The following MYT1L variants were observed in gnomAD, a reference collection of about 807,000 sequenced individuals.
MYT1L encodes the protein myelin transcription factor 1-like protein.
In MYT1L, 12 loss-of-function variants were observed where a neutral mutation model predicts 126.7. That is an observed-to-expected ratio of 0.09 (90% CI 0.06 to 0.15). The LOEUF (loss-of-function observed/expected upper bound fraction) is 0.15, where lower values mean the gene tolerates loss of function less well. MYT1L is among the 10% of genes least tolerant of loss of function. The pLI is 1.00. For synonymous variants in MYT1L, 541 were observed against 604.2 expected, an observed-to-expected ratio of 0.90 and a Z score of 1.53; for missense variants, 979 against 1,585.2, an observed-to-expected ratio of 0.62 and a Z score of 6.49.
At chr2:2,117,666 C>A (rs138459645) in intron 3 of MYT1L, among the ~76,000 whole-genome samples, 3 of 152,128 alleles carry the variant, frequency 2.0e-5, no homozygotes, top group Non-Finnish European at 4.4e-5. Context: ...CAGCATAATA[C>A]GTTCATTAAT....
In MYT1L at chr2:2,224,561, T is replaced by C. The variant is rs769591399; in HGVS notation, c.-420-51573A>G. 1.3e-5 allele frequency among the ~76,000 whole-genome samples: 2 copies of C among 152,188 alleles called. No homozygotes were observed. The highest frequency in any genetic ancestry group is 2.9e-5 in the Non-Finnish European group (2 of 68,034). On this transcript the variant is annotated intron_variant, in intron 2 of 24. Coordinates refer to ENST00000647738, the MANE Select transcript of MYT1L (RefSeq NM_001303052.2). The surrounding 1 kb of genome is among the most constrained non-coding windows in gnomAD (Gnocchi z 4.0). ...CAGGCTGGGCACGGTGGCTGAAGCCTGTAATCTCAACACTTTGGGAGGTCA... is the reference window on the plus strand; with the variant it reads ...CAGGCTGGGCACGGTGGCTGAAGCCCGTAATCTCAACACTTTGGGAGGTCA...
At chr2:2,075,396 A>AT (rs2075102370) in intron 3 of MYT1L, among the ~76,000 whole-genome samples, 2 of 152,152 alleles carry the variant, frequency 1.3e-5, no homozygotes, top group Admixed American at 1.3e-4. Flanking sequence ...CTTCCAGCAA[A>AT]TTCACAGTCA....
Position 1,956,391 on chromosome 2 carries a change from T to TA in MYT1L, c.153-13058_153-13057insT, listed in dbSNP as rs1573963909. 1.9e-5 allele frequency among the ~76,000 whole-genome samples: 2 copies of TA among 107,600 alleles called. 1 individual carries two copies. Among genetic ancestry groups the TA allele is most frequent in the Non-Finnish European group, 3.6e-5 (2 of 55,258 alleles). 70.6% of individuals were successfully genotyped at this position (107,600 alleles called of 152,430 possible). ...CTATCCTATTCTATATTTCCTATTC[T>TA]TTCTATCTGTCTGTCTATCTATCTA... On this transcript the variant is annotated intron_variant, in intron 8 of 24. Coordinates refer to ENST00000647738, the MANE Select transcript of MYT1L (RefSeq NM_001303052.2).
At chr2:1,968,571 T>C (rs1025843973) in intron 8 of MYT1L, among the ~76,000 whole-genome samples, 2 of 152,112 alleles carry the variant, frequency 1.3e-5, no homozygotes, top group African/African-American at 4.8e-5. Flanking sequence ...TGTTGTATTA[T>C]GTAGGGGGAG....
Position 2,293,656 on chromosome 2 carries a change from C to T in MYT1L, c.-520-9153G>A, listed in dbSNP as rs551705902. On this transcript the variant is annotated intron_variant, in intron 1 of 24. Transcript: ENST00000647738. ...ATGGTGTGTCTGTGTCCCTTAGGTG[C>T]GCAGGGCCAAAGCTTCCGCCTGAGG... is the stretch of plus-strand genomic sequence containing the variant. Among the ~76,000 whole-genome samples the T allele has an allele frequency of 5.3e-5, 8 of 152,298 alleles. No individual in the cohort carries two copies. In the South Asian group the frequency reaches 6.2e-4, roughly 12 times the overall value.
intron 2 of MYT1L, among the ~76,000 whole-genome samples, chr2:2,265,858 G>T (rs1380080248): frequency 1.3e-5 from 2 of 152,164 alleles, no homozygotes; most frequent in East Asian, 3.9e-4. Context: ...GATGGGATCT[G>T]GGGCCCTAAG....
chr2:2,297,229 G>A (rs1050665434), intron 1 of MYT1L, among the ~76,000 whole-genome samples: 5 of 152,224 alleles, frequency 3.3e-5, no homozygotes, highest in African/African-American at 9.6e-5. Flanking sequence ...CAGTGAAGTC[G>A]TGACCCTCGG....
chr2:2,156,644 C>T (rs920337239), intron 3 of MYT1L, among the ~76,000 whole-genome samples: 5 of 152,154 alleles, frequency 3.3e-5, no homozygotes, highest in Non-Finnish European at 5.9e-5. Flanking sequence ...TGGCTTTCTG[C>T]TTTTTTATAT....
chr2:2,321,016 C>T (rs1001946969), intron 1 of MYT1L, among the ~76,000 whole-genome samples: 1 of 152,164 alleles, frequency 6.6e-6, no homozygotes, highest in East Asian at 1.9e-4. Context: ...TTAAAAAATG[C>T]CATGCTGGCA....
At chr2:1,967,951 G>T (rs1024222837) in intron 8 of MYT1L, among the ~76,000 whole-genome samples, 3 of 152,132 alleles carry the variant, frequency 2.0e-5, no homozygotes, top group African/African-American at 7.2e-5. Flanking sequence ...GAGCTTCCTC[G>T]GGCCCCTGCA....
intron 4 of MYT1L, among the ~76,000 whole-genome samples, chr2:2,046,123 A>G (rs1244678929): frequency 1.3e-5 from 2 of 152,218 alleles, no homozygotes; most frequent in African/African-American, 4.8e-5. Flanking sequence ...AAGCTTCAAG[A>G]GATATACTAT....
intron 8 of MYT1L, among the ~76,000 whole-genome samples, chr2:1,972,544 T>G (rs776182472): frequency 2.6e-5 from 4 of 152,194 alleles, no homozygotes; most frequent in Non-Finnish European, 4.4e-5. Context: ...GCTCCACATC[T>G]CTCAGCCAGC....
intron 1 of MYT1L, among the ~76,000 whole-genome samples, chr2:2,313,848 A>C (rs531438925): frequency 6.6e-6 from 1 of 152,308 alleles, no homozygotes; most frequent in East Asian, 1.9e-4. Flanking sequence ...TAGCTTACTT[A>C]TCTCGATACA....
At chr2:1,902,484 T>C (rs1189461131) in intron 14 of MYT1L, among the ~76,000 whole-genome samples, 2 of 152,214 alleles carry the variant, frequency 1.3e-5, no homozygotes, top group Non-Finnish European at 2.9e-5. Flanking sequence ...CCACCAGCTC[T>C]GGCTACCCGG....
chr2:1,961,229 C>T (rs34692924), intron 8 of MYT1L, among the ~76,000 whole-genome samples: 6,597 of 152,222 alleles, frequency 0.043, 158 homozygotes, highest in African/African-American at 0.064. Flanking sequence ...ACGCAGGTGA[C>T]GGTTACACTA....
chr2:2,238,511 G>A (rs1365419289), intron 2 of MYT1L, among the ~76,000 whole-genome samples: 3 of 152,146 alleles, frequency 2.0e-5, no homozygotes, highest in Admixed American at 6.5e-5. Context: ...ATTGTCGTTC[G>A]TCACTTGTTT....
chr2:1,983,680 G>A (rs936437088), intron 5 of MYT1L, among the ~76,000 whole-genome samples: 5 of 152,278 alleles, frequency 3.3e-5, no homozygotes, highest in South Asian at 2.1e-4. Flanking sequence ...CACCACTGGC[G>A]ACTGTCATTG....
chr2:2,169,463 G>A (rs1559211854), intron 3 of MYT1L, among the ~76,000 whole-genome samples: 1 of 152,118 alleles, frequency 6.6e-6, no homozygotes, highest in African/African-American at 2.4e-5. Context: ...TGCCAAATAA[G>A]ATTTTTTAAA....
rs746275822 is a variant in MYT1L at position 1,917,171 on chromosome 2, C to T, written c.1618+34G>A. 6.3e-7 allele frequency: 1 copy of T among 1,594,862 alleles called. No individual in the cohort carries two copies. The highest frequency in any genetic ancestry group is 1.7e-5 in the Admixed American group (1 of 59,154). ...ACAGAGACAGAGTCATGGGTGTTTG[C>T]ACCCCCAAGGGTAGCGGTGAGACGT... On this transcript the variant is annotated intron_variant, in intron 11 of 24. Coordinates refer to ENST00000647738, the MANE Select transcript of MYT1L (RefSeq NM_001303052.2). The surrounding 1 kb of genome is among the most constrained non-coding windows in gnomAD (Gnocchi z 5.9).
Sources: gnomAD v4.1 joint callset for allele counts (sites outside exome capture counted in the v4.1 genomes callset) on GRCh38, gnomAD v4.1.1 for gene constraint, Gnocchi (gnomAD v3.1) non-coding constraint, MANE v1.5 for transcripts, NCBI Gene and HGNC (gene_info 2026-07-23, HGNC 2026-07-21) for gene names.